The following SLC11A2 variants were observed in gnomAD, a reference collection of about 807,000 sequenced individuals.
The protein encoded by SLC11A2 is natural resistance-associated macrophage protein 2.
In SLC11A2, 38 loss-of-function variants were observed where a neutral mutation model predicts 68.0. That is an observed-to-expected ratio of 0.56 (90% CI 0.43 to 0.73). The LOEUF is 0.73. Ranked by LOEUF, SLC11A2 falls within the 30% of genes least tolerant of loss-of-function variation. The probability of loss-of-function intolerance (pLI) is 0.00; values close to 1 mark genes in which losing one functional copy is unlikely to be tolerated. For synonymous variants in SLC11A2, 242 were observed against 250.6 expected (o/e 0.97, Z 0.32); for missense variants, 517 against 690.5 (o/e 0.75, Z 2.82).
chr12:50,999,776 G>A (rs541035562), intron 6 of SLC11A2, among the ~76,000 whole-genome samples: 105 of 109,758 alleles, frequency 9.6e-4, no homozygotes, highest in African/African-American at 2.9e-3. Context: ...AGGCTGAGGC[G>A]GGCATTCCTA....
chr12:50,994,425 A>C, intron 11 of SLC11A2, 119 bp downstream of exon 11: 1 of 736,622 alleles, frequency 1.4e-6, no homozygotes. Flanking sequence ...TGGAACTCTG[A>C]AATAAATGAC....
chr12:50,961,113 T>G, the SLC11A2 span: 14 of 1,613,184 alleles, frequency 8.7e-6, no homozygotes, highest in African/African-American at 1.3e-5. Flanking sequence ...GTAACCCGCT[T>G]AATTTGTATC....
downstream of SLC11A2, among the ~76,000 whole-genome samples, chr12:50,984,843 T>A (rs1940394868): frequency 6.6e-6 from 1 of 152,174 alleles, no homozygotes; most frequent in South Asian, 2.1e-4. Context: ...AATGCTTCAG[T>A]GTGTTATGTT....
rs769713736 is a variant in SLC11A2 at position 50,994,629 on chromosome 12, A to G, written c.992T>C (p.Val331Ala). The change falls in exon 11 of 16, where the codon GTT becomes GCT. Residue 331 changes from valine to alanine, a missense_variant and splice_region_variant. Transcript: ENST00000262052. ...AFFGKTNEQV[V>A]EVCTNTSSPH... is the part of the protein sequence containing the mutation. The stretch of plus-strand genomic sequence containing the variant: ...ACTGCTGGTATTTGTACAGACTTCA[A>G]CCTAGAACCCAAAGCAATTCAACAG... 1.2e-5 allele frequency: 20 copies of G among 1,606,084 alleles called. No homozygotes were observed. The highest frequency in any genetic ancestry group is 1.7e-5 in the Non-Finnish European group (20 of 1,172,674).
chr12:50,974,659 T>A (rs1224845613), downstream of SLC11A2, among the ~76,000 whole-genome samples: 4 of 152,108 alleles, frequency 2.6e-5, no homozygotes, highest in Non-Finnish European at 2.9e-5. Context: ...TAAATGTAAA[T>A]GGGCTGAATG....
chr12:50,960,836 C>G, the SLC11A2 span: 1 of 708,300 alleles, frequency 1.4e-6, no homozygotes, highest in Non-Finnish European at 2.3e-6. Context: ...ACGTGTATCA[C>G]CATGTGTGGC....
Position 51,026,334 on chromosome 12 carries a change from C to A in SLC11A2, c.-63G>T. 7.8e-7 allele frequency: 1 copy of A among 1,275,734 alleles called. No homozygotes were observed. The highest frequency in any genetic ancestry group is 1.0e-6 in the Non-Finnish European group (1 of 979,358). 79.0% of individuals were successfully genotyped at this position (1,275,734 alleles called of 1,614,324 possible). On this transcript the variant is annotated 5_prime_UTR_variant, in exon 1 of 16. Coordinates refer to ENST00000262052, the MANE Select transcript of SLC11A2 (RefSeq NM_000617.3). ...CCTTACCAGCTCCGCAACCACCTGA[C>A]ACGCCGCCCCCGCGCCCAGGGCTCC...
chr12:50,999,068 T>G (rs569489073), intron 8 of SLC11A2, 106 bp downstream of exon 8: 11 of 974,714 alleles, frequency 1.1e-5, no homozygotes, highest in Admixed American at 6.7e-5. Context: ...ACACCCACTA[T>G]AAGTGAATCA....
Position 50,993,992 on chromosome 12 carries a change from C to CAAAAAAAAAAAAAAAAAAAAAAA in SLC11A2, c.1077+529_1077+551dup, listed in dbSNP as rs71663850. ...GGGCAACAGAGCAAGACCTTGTCTC[C>CAAAAAAAAAAAAAAAAAAAAAAA]AAAAAAAAAAAAAAAAAAAAAAAAA... is the stretch of plus-strand genomic sequence containing the variant. On this transcript the variant is annotated intron_variant, in intron 11 of 15. Coordinates refer to ENST00000262052, the MANE Select transcript of SLC11A2 (RefSeq NM_000617.3). 1.9e-4 allele frequency among the ~76,000 whole-genome samples: 9 copies of CAAAAAAAAAAAAAAAAAAAAAAA among 48,400 alleles called. 1 individual carries two copies. Among genetic ancestry groups the CAAAAAAAAAAAAAAAAAAAAAAA allele is most frequent in the East Asian group, 9.4e-4 (1 of 1,060 alleles). 31.8% of individuals were successfully genotyped at this position (48,400 alleles called of 152,430 possible).
At chr12:50,963,238 T>A in the SLC11A2 span, among the ~76,000 whole-genome samples, 1 of 150,986 alleles carries the variant, frequency 6.6e-6, no homozygotes, top group Non-Finnish European at 1.5e-5. Context: ...GGAGTAGTGG[T>A]GCATGCCTGT....
the SLC11A2 span, among the ~76,000 whole-genome samples, chr12:50,962,726 G>A: frequency 6.6e-6 from 1 of 152,024 alleles, no homozygotes; most frequent in Non-Finnish European, 1.5e-5. Context: ...TTTTTGCTAT[G>A]GAAGCACAAA....
chr12:50,999,836 C>T (rs988798770), intron 6 of SLC11A2, among the ~76,000 whole-genome samples: 4 of 151,870 alleles, frequency 2.6e-5, no homozygotes, highest in African/African-American at 9.7e-5. Flanking sequence ...GGTGAAATCC[C>T]GTCTCTACTA....
At chr12:50,969,022 C>T in the SLC11A2 span, among the ~76,000 whole-genome samples, 7 of 151,986 alleles carry the variant, frequency 4.6e-5, no homozygotes, top group South Asian at 2.1e-4. Flanking sequence ...TAGCTGGGCA[C>T]GGTGGCTCAC....
chr12:50,965,102 T>C, the SLC11A2 span, among the ~76,000 whole-genome samples: 6 of 152,112 alleles, frequency 3.9e-5, no homozygotes, highest in East Asian at 1.9e-4. Context: ...TTTTGTTTTA[T>C]GTTTGTGGGT....
chr12:51,014,784 T>C (rs930452778), intron 1 of SLC11A2, among the ~76,000 whole-genome samples: 1 of 151,516 alleles, frequency 6.6e-6, no homozygotes, highest in African/African-American at 2.4e-5. Flanking sequence ...ACCCAGGAGG[T>C]AGAGGTTGCA....
the SLC11A2 span, among the ~76,000 whole-genome samples, chr12:50,952,549 C>T: frequency 6.6e-6 from 1 of 152,162 alleles, no homozygotes. Context: ...CGTCCACCAC[C>T]GACCCACCTC....
chr12:50,967,691 C>G, the SLC11A2 span, among the ~76,000 whole-genome samples: 72 of 152,166 alleles, frequency 4.7e-4, no homozygotes, highest in Non-Finnish European at 7.8e-4. Flanking sequence ...GATCAGAGAA[C>G]CAATTCCGGA....
At chr12:51,026,474 T>A, upstream of SLC11A2, 1 of 690,818 alleles carries the variant, frequency 1.4e-6, no homozygotes, top group Non-Finnish European at 2.2e-6. Context: ...CCGGGATGCG[T>A]GGCCCGCAGA....
intron 1 of SLC11A2, among the ~76,000 whole-genome samples, chr12:51,015,955 T>G (rs1289874260): frequency 2.0e-5 from 3 of 152,190 alleles, no homozygotes; most frequent in African/African-American, 7.2e-5. Context: ...CGGCTAATTT[T>G]TGTATTTTTA....
Sources: gnomAD v4.1 joint callset for allele counts (sites outside exome capture counted in the v4.1 genomes callset) on GRCh38, gnomAD v4.1.1 for gene constraint, MANE v1.5 for transcripts, NCBI Gene and HGNC (gene_info 2026-07-23, HGNC 2026-07-21) for gene names.